The following KIAA0586 variants were observed in gnomAD, a reference collection of about 807,000 sequenced individuals.
KIAA0586 encodes the protein protein TALPID3.
KIAA0586 carries 144 observed loss-of-function variants against 169.8 expected under a neutral mutation model. The observed-to-expected ratio is 0.85, with a 90% CI of 0.74 to 0.97. KIAA0586 has a LOEUF of 0.97. Ranked by LOEUF, KIAA0586 falls within the 50% of genes least tolerant of loss-of-function variation. The pLI, the probability that KIAA0586 is intolerant of heterozygous loss-of-function variation, is 0.00. For missense variants in KIAA0586, 1,854 were observed against 1,823.0 expected (o/e 1.02, Z -0.31); for synonymous variants, 625 against 612.4 (o/e 1.02, Z -0.30).
At chr14:58,541,643 CTTTTACTTAGTTTTA>C (rs2046641360) in intron 30 of KIAA0586, among the ~76,000 whole-genome samples, 1 of 152,160 alleles carries the variant, frequency 6.6e-6, no homozygotes, top group Non-Finnish European at 1.5e-5. Context: ...TATAGTTTTT[CTTTTACTTAGTTTTA>C]TAAATCTGAC....
intron 7 of KIAA0586, among the ~76,000 whole-genome samples, chr14:58,448,939 C>G (rs1451931568): frequency 6.6e-6 from 1 of 152,076 alleles, no homozygotes; most frequent in East Asian, 1.9e-4. Context: ...CATTTTTAAA[C>G]CATTTCTAAA....
chr14:58,518,179 C>T (rs1349086099), intron 29 of KIAA0586, among the ~76,000 whole-genome samples: 1 of 152,098 alleles, frequency 6.6e-6, no homozygotes, highest in East Asian at 1.9e-4. Context: ...TTAGCTTATA[C>T]TAAAAGCTTA....
At position 58,474,689 on chromosome 14, in the gene KIAA0586, A is replaced by T; in HGVS notation, c.2717A>T (p.Tyr906Phe). ...NRSVKADSTK[Y>F]NGPPFPPVAS... ...AGTGTTAAAGCTGATTCTACAAAATATAATGGTCCTCCATTTCCGCCAGTT... is the reference window on the plus strand; with the variant it reads ...AGTGTTAAAGCTGATTCTACAAAATTTAATGGTCCTCCATTTCCGCCAGTT... Residue 906 changes from tyrosine (Y) to phenylalanine (F), a missense_variant, in exon 19 of 31, where the codon TAT (tyrosine) becomes TTT (phenylalanine). By Grantham distance (22) the Tyr-to-Phe change is conservative. Transcript: ENST00000652326. 6.2e-7 allele frequency: 1 copy of T among 1,613,454 alleles called. No individual in the cohort carries two copies. The highest frequency in any genetic ancestry group is 8.5e-7 in the Non-Finnish European group (1 of 1,179,552).
At chr14:58,441,167 A>T (rs926483242) in intron 4 of KIAA0586, 1 of 274,970 alleles carries the variant, frequency 3.6e-6, no homozygotes, top group Non-Finnish European at 7.7e-6. Context: ...GTGTACATCA[A>T]TAGTGCTGTA....
chr14:58,468,579 A>G (rs1303811423), intron 16 of KIAA0586, among the ~76,000 whole-genome samples: 3 of 152,234 alleles, frequency 2.0e-5, no homozygotes, highest in Non-Finnish European at 4.4e-5. Flanking sequence ...TTGAATGAAT[A>G]CAAGACTTCA....
intron 27 of KIAA0586, among the ~76,000 whole-genome samples, chr14:58,500,164 C>A (rs894976486): frequency 2.0e-5 from 3 of 152,216 alleles, no homozygotes; most frequent in African/African-American, 7.2e-5. Flanking sequence ...TGAACCATTA[C>A]TCCTAGGGGA....
chr14:58,480,641 A>G (rs1353481482), intron 20 of KIAA0586, among the ~76,000 whole-genome samples: 2 of 151,998 alleles, frequency 1.3e-5, no homozygotes, highest in Admixed American at 6.6e-5. Flanking sequence ...CCAGCACCCA[A>G]TCTCTAAAGC....
chr14:58,489,467 G>A (rs796257350), intron 24 of KIAA0586, among the ~76,000 whole-genome samples: 34 of 151,994 alleles, frequency 2.2e-4, no homozygotes, highest in African/African-American at 7.5e-4. Flanking sequence ...TGATCCACCC[G>A]TCTTGGCCTC....
At chr14:58,552,917 G>A (rs995086424), downstream of KIAA0586, among the ~76,000 whole-genome samples, 1 of 152,048 alleles carries the variant, frequency 6.6e-6, no homozygotes, top group African/African-American at 2.4e-5. Flanking sequence ...TCCTGAACAT[G>A]GACATTTTTC....
At chr14:58,499,290 T>G (rs577879231) in intron 27 of KIAA0586, among the ~76,000 whole-genome samples, 68 of 152,266 alleles carry the variant, frequency 4.5e-4, no homozygotes, top group Admixed American at 3.9e-4. Flanking sequence ...TCTTGCTCTG[T>G]CACTCAGGCT....
intron 26 of KIAA0586, among the ~76,000 whole-genome samples, chr14:58,497,203 C>T (rs554373967): frequency 2.6e-5 from 4 of 152,006 alleles, no homozygotes; most frequent in Non-Finnish European, 5.9e-5. Context: ...GAACTCCTGA[C>T]TTCAGGTGAT....
At chr14:58,451,082 G>A (rs112760159) in intron 8 of KIAA0586, among the ~76,000 whole-genome samples, 55 of 150,382 alleles carry the variant, frequency 3.7e-4, no homozygotes, top group East Asian at 2.4e-3. Flanking sequence ...TCCGCCTCCC[G>A]GGTTCACCCC....
In KIAA0586 at chr14:58,429,946, T is replaced by A. The variant is rs141831849; in HGVS notation, c.270+513T>A. Among the ~76,000 whole-genome samples, 780 of 152,326 alleles carry A rather than the reference T, an allele frequency of 5.1e-3. 2 individuals are homozygous for A. The highest frequency in any genetic ancestry group is 8.7e-3 in the Non-Finnish European group (593 of 68,024). Reference sequence around the variant, plus strand: ...TTGGTTATGAGATCTAATCAGACTTTGACGGCTAATCATAGTGTTGACCTA... The same window carrying A: ...TTGGTTATGAGATCTAATCAGACTTAGACGGCTAATCATAGTGTTGACCTA... On this transcript the variant is annotated intron_variant, in intron 2 of 30. Transcript: ENST00000652326.
At chr14:58,446,765 G>C (rs1038523291) in intron 6 of KIAA0586, among the ~76,000 whole-genome samples, 1 of 152,042 alleles carries the variant, frequency 6.6e-6, no homozygotes, top group African/African-American at 2.4e-5. Context: ...TGCATACCAA[G>C]TAAAGTTTAG....
downstream of KIAA0586, among the ~76,000 whole-genome samples, chr14:58,555,801 G>T (rs1036317906): frequency 1.7e-4 from 26 of 152,132 alleles, no homozygotes; most frequent in Non-Finnish European, 3.1e-4. Flanking sequence ...TTCTCAGAAG[G>T]CTGGATTGAT....
At chr14:58,438,953 G>A (rs769931027) in intron 4 of KIAA0586, among the ~76,000 whole-genome samples, 37 of 152,214 alleles carry the variant, frequency 2.4e-4, no homozygotes, top group Non-Finnish European at 4.1e-4. Context: ...GAATGGTGAC[G>A]TGTAGGAAGT....
chr14:58,450,659 C>A lies in KIAA0586; in HGVS notation c.1042C>A (p.Pro348Thr). ...LETPAPRRFA[P>T]VPVSRDDELS... is the part of the protein sequence containing the mutation. ...GACACCAGCACCTCGCAGATTTGCT[C>A]CTGTACCTGTTTCAAGGGATGATGA... The change falls in exon 8 of 31, where the codon CCT becomes ACT. Residue 348 changes from proline (P) to threonine (T), a missense_variant. Transcript: ENST00000652326. 1 of 1,609,170 alleles carries A rather than the reference C, an allele frequency of 6.2e-7. No individual in the cohort carries two copies. The highest frequency in any genetic ancestry group is 8.5e-7 in the Non-Finnish European group (1 of 1,175,648).
rs1000733072 is a variant in KIAA0586 at position 58,508,322 on chromosome 14, A to T, written c.4169-233A>T. Among the ~76,000 whole-genome samples, 4 of 152,194 alleles carry T rather than the reference A, an allele frequency of 2.6e-5. No individual in the cohort carries two copies. In the East Asian group the frequency reaches 5.8e-4, roughly 22 times the overall value. ...CTGCATGGGCAACTTGTTGACTGGA[A>T]CTTTACATAGAATATTCCATGGATT... On this transcript the variant is annotated intron_variant, in intron 27 of 30. Transcript: ENST00000652326.
At chr14:58,441,501 G>A (rs554933359) in intron 4 of KIAA0586, among the ~76,000 whole-genome samples, 14 of 151,950 alleles carry the variant, frequency 9.2e-5, no homozygotes, top group Non-Finnish European at 1.6e-4. Context: ...GCACCTGGCC[G>A]ATAATGTTAT....
Sources: gnomAD v4.1 joint callset for allele counts (sites outside exome capture counted in the v4.1 genomes callset) on GRCh38, gnomAD v4.1.1 for gene constraint, MANE v1.5 for transcripts, NCBI Gene and HGNC (gene_info 2026-07-23, HGNC 2026-07-21) for gene names.